The following FOXO1 variants were observed in gnomAD, a reference collection of about 807,000 sequenced individuals.
FOXO1 encodes the protein forkhead box O1.
Under a neutral mutation model 44.1 loss-of-function variants are expected in FOXO1, and 6 were observed. That is an observed-to-expected ratio of 0.14 (90% CI 0.07 to 0.27). The LOEUF (loss-of-function observed/expected upper bound fraction) is 0.27. Ranked by LOEUF, FOXO1 falls within the 10% of genes least tolerant of loss-of-function variation. The probability of loss-of-function intolerance (pLI) is 1.00; values close to 1 mark genes in which losing one functional copy is unlikely to be tolerated. For synonymous variants in FOXO1, 380 were observed against 362.7 expected, an observed-to-expected ratio of 1.05 and a Z score of -0.54; for missense variants, 737 against 888.8, an observed-to-expected ratio of 0.83 and a Z score of 2.17.
intron 1 of FOXO1, among the ~76,000 whole-genome samples, chr13:40,634,392 T>TC (rs151022390): frequency 2.2e-4 from 34 of 152,222 alleles, no homozygotes; most frequent in African/African-American, 8.2e-4. Context: ...AAATGAACAC[T>TC]CCCACATTCA....
intron 1 of FOXO1, among the ~76,000 whole-genome samples, chr13:40,628,356 T>TACAC (rs34314244): frequency 0.062 from 8,987 of 145,174 alleles, 385 homozygotes; most frequent in East Asian, 0.23. Flanking sequence ...AAGAGCTGTT[T>TACAC]ACACACACAC....
intron 1 of FOXO1, among the ~76,000 whole-genome samples, chr13:40,610,479 C>G (rs149162153): frequency 2.0e-5 from 3 of 152,218 alleles, no homozygotes; most frequent in Non-Finnish European, 4.4e-5. Flanking sequence ...CTAACCTGTT[C>G]CTTATGATTA....
At chr13:40,613,667 T>G (rs528816270) in intron 1 of FOXO1, among the ~76,000 whole-genome samples, 1 of 152,346 alleles carries the variant, frequency 6.6e-6, no homozygotes, top group Admixed American at 6.5e-5. Context: ...AGTGGATGAT[T>G]ACGGCGTCAG....
At chr13:40,586,593 G>A (rs1305304239) in intron 1 of FOXO1, among the ~76,000 whole-genome samples, 2 of 152,118 alleles carry the variant, frequency 1.3e-5, no homozygotes, top group Non-Finnish European at 2.9e-5. Context: ...GGTACCAAAT[G>A]GGAAATAGTG....
At chr13:40,643,804 T>C (rs1250434942) in intron 1 of FOXO1, among the ~76,000 whole-genome samples, 2 of 148,556 alleles carry the variant, frequency 1.3e-5, no homozygotes, top group African/African-American at 5.3e-5. Context: ...TTTTGGCTAA[T>C]GCTATTGCTG....
intron 1 of FOXO1, among the ~76,000 whole-genome samples, chr13:40,662,991 G>A (rs1430402543): frequency 1.3e-5 from 2 of 152,126 alleles, no homozygotes; most frequent in Non-Finnish European, 1.5e-5. Context: ...AACAGCTCAG[G>A]TTGTTTCTTT....
At chr13:40,602,825 G>T (rs1206459153) in intron 1 of FOXO1, among the ~76,000 whole-genome samples, 2 of 152,156 alleles carry the variant, frequency 1.3e-5, no homozygotes, top group Non-Finnish European at 1.5e-5. Flanking sequence ...GTTGACACAT[G>T]TGAAGATGGT....
intron 1 of FOXO1, among the ~76,000 whole-genome samples, chr13:40,653,507 C>A (rs1425735939): frequency 6.6e-6 from 1 of 152,200 alleles, no homozygotes; most frequent in Non-Finnish European, 1.5e-5. Context: ...ACTGAGGAGA[C>A]AAAGCCCAGT....
chr13:40,656,883 T>G (rs1374408017), intron 1 of FOXO1, among the ~76,000 whole-genome samples: 1 of 151,240 alleles, frequency 6.6e-6, no homozygotes, highest in Non-Finnish European at 1.5e-5. Flanking sequence ...CAGGCTGGAG[T>G]GCAGTGGCAC....
chr13:40,580,804 T>G (rs981316492), intron 1 of FOXO1, among the ~76,000 whole-genome samples: 1 of 152,146 alleles, frequency 6.6e-6, no homozygotes, highest in Non-Finnish European at 1.5e-5. Flanking sequence ...ATGCTGTCAT[T>G]TGAAGGTGAA....
intron 1 of FOXO1, among the ~76,000 whole-genome samples, chr13:40,625,168 T>C (rs1876746175): frequency 6.6e-6 from 1 of 152,220 alleles, no homozygotes; most frequent in South Asian, 2.1e-4. Flanking sequence ...TATGTTAATC[T>C]GGATTCAACG....
At chr13:40,629,097 G>C (rs1365616461) in intron 1 of FOXO1, among the ~76,000 whole-genome samples, 3 of 151,666 alleles carry the variant, frequency 2.0e-5, no homozygotes, top group East Asian at 3.9e-4. Flanking sequence ...CACAATGGTT[G>C]AAGAGGCCCA....
intron 1 of FOXO1, among the ~76,000 whole-genome samples, chr13:40,628,003 G>A (rs1876842194): frequency 2.6e-5 from 4 of 152,106 alleles, no homozygotes; most frequent in Admixed American, 2.0e-4. Flanking sequence ...GGAACCGTGT[G>A]TGTGTGCACA....
In FOXO1 at chr13:40,557,745, GCTCAACT is replaced by G. The variant is rs1873811548; in HGVS notation, c.*1297_*1303del. The G allele has an allele frequency of 6.6e-6, 1 of 152,198 alleles. No homozygotes were observed. The highest frequency in any genetic ancestry group is 6.5e-5 in the Admixed American group (1 of 15,280). The allele number at this position is 152,198 out of a possible 1,614,324, so 9.4% of individuals were successfully genotyped here. A position where few individuals can be genotyped will look rare whatever the true frequency, so the allele number is the denominator to read the frequency against. On this transcript the variant is annotated 3_prime_UTR_variant, in exon 3 of 3. Transcript: ENST00000379561. ...ATTATGAGGGGAAACTTTTGCTAAA[GCTCAACT>G]CAAAATGGTGAAGTGGATCAAAATC...
At chr13:40,659,108 A>G (rs1291522559) in intron 1 of FOXO1, among the ~76,000 whole-genome samples, 1 of 152,094 alleles carries the variant, frequency 6.6e-6, no homozygotes, top group Non-Finnish European at 1.5e-5. Flanking sequence ...CGAGGTTAGG[A>G]GTTCGAGACC....
At chr13:40,649,037 A>C (rs1244258817) in intron 1 of FOXO1, among the ~76,000 whole-genome samples, 1 of 152,182 alleles carries the variant, frequency 6.6e-6, no homozygotes, top group Non-Finnish European at 1.5e-5. Context: ...GAGAGCAGGG[A>C]CGTCCCCTGG....
intron 1 of FOXO1, among the ~76,000 whole-genome samples, chr13:40,584,469 CAAAAAAAAAA>C (rs55733141): frequency 4.6e-4 from 29 of 63,106 alleles, no homozygotes; most frequent in South Asian, 7.1e-4. Flanking sequence ...ACAAAAAATG[CAAAAAAAAAA>C]AAAAAAAAAA....
chr13:40,620,353 G>T (rs186400403), intron 1 of FOXO1: 6 of 737,540 alleles, frequency 8.1e-6, no homozygotes, highest in Admixed American at 2.0e-5. Context: ...GGCTTCTGCC[G>T]AATCATTTCT....
At chr13:40,655,573 C>A (rs906742039) in intron 1 of FOXO1, among the ~76,000 whole-genome samples, 1 of 150,338 alleles carries the variant, frequency 6.7e-6, no homozygotes, top group Non-Finnish European at 1.5e-5. Context: ...CAGCAATGTA[C>A]CTTTTAAATA....
Sources: gnomAD v4.1 joint callset for allele counts (sites outside exome capture counted in the v4.1 genomes callset) on GRCh38, gnomAD v4.1.1 for gene constraint, MANE v1.5 for transcripts, NCBI Gene and HGNC (gene_info 2026-07-23, HGNC 2026-07-21) for gene names.